The following UBA6 variants were observed in gnomAD, a reference collection of about 807,000 sequenced individuals.
UBA6 encodes the protein ubiquitin-like modifier-activating enzyme 6.
A neutral mutation model predicts 148.3 loss-of-function variants in UBA6; 87 were observed. The observed-to-expected ratio is 0.59, with a 90% CI of 0.49 to 0.70. The LOEUF is 0.70. Ranked by LOEUF, UBA6 falls within the 30% of genes least tolerant of loss-of-function variation. The pLI, the probability that UBA6 is intolerant of heterozygous loss-of-function variation, is 0.00. For synonymous variants in UBA6, 376 were observed against 401.0 expected (o/e 0.94, Z 0.75); for missense variants, 1,186 against 1,241.2 (o/e 0.96, Z 0.67).
intron 2 of UBA6, among the ~76,000 whole-genome samples, chr4:67,689,830 G>A (rs937582518): frequency 9.9e-5 from 15 of 152,054 alleles, no homozygotes; most frequent in African/African-American, 3.6e-4. Context: ...TGAACCCACT[G>A]TCTTCCCTAA....
At chr4:67,681,817 T>C (rs1019745161) in intron 3 of UBA6, among the ~76,000 whole-genome samples, 1 of 152,232 alleles carries the variant, frequency 6.6e-6, no homozygotes, top group Non-Finnish European at 1.5e-5. Context: ...AATTTCAACG[T>C]ATTCTTCCAG....
chr4:67,687,224 G>T (rs553881798), intron 2 of UBA6, among the ~76,000 whole-genome samples: 1 of 151,468 alleles, frequency 6.6e-6, no homozygotes, highest in South Asian at 2.1e-4. Flanking sequence ...TTAGTAGAGA[G>T]GGGGTTTCAC....
rs72848574 is a variant in UBA6 at position 67,644,368 on chromosome 4, G to C, written c.1476+330C>G. Among the ~76,000 whole-genome samples the C allele has an allele frequency of 1.4e-3, 212 of 152,178 alleles. 1 individual carries two copies. The highest frequency in any genetic ancestry group is 4.9e-3 in the African/African-American group (205 of 41,544). ...ATTTAACAATAAACACTATCTAACA[G>C]AAATAACAACATATTTTATAGCTTG... On this transcript the variant is annotated intron_variant, in intron 17 of 32. Coordinates refer to ENST00000322244, the MANE Select transcript of UBA6 (RefSeq NM_018227.6).
chr4:67,635,497 T>C lies in UBA6; in HGVS notation c.1798A>G (p.Thr600Ala), dbSNP rs576533505. The C allele has an allele frequency of 1.9e-6, 3 of 1,612,738 alleles. No homozygotes were observed. In the East Asian group the frequency reaches 6.7e-5, roughly 36 times the overall value. Residue 600 changes from threonine (T) to alanine (A), a missense_variant, in exon 20 of 33, where the codon ACT (threonine) becomes GCT (alanine). Physicochemically the swap from Thr to Ala is moderately conservative, Grantham distance 58. Transcript: ENST00000322244. Reference sequence around the variant, plus strand: ...GTCAAATGCGGTACAATAACTTCAGTGTGTCCCTTAGTGCCCATTGTTCCA... The same window carrying C: ...GTCAAATGCGGTACAATAACTTCAGCGTGTCCCTTAGTGCCCATTGTTCCA... ...DSGTMGTKGH[T>A]EVIVPHLTES...
Position 67,649,241 on chromosome 4 carries a change from A to T in UBA6, c.1105-30T>A, listed in dbSNP as rs779515765. 118 of 1,589,818 alleles carry T rather than the reference A, an allele frequency of 7.4e-5. 1 individual carries two copies. Among genetic ancestry groups the T allele is most frequent in the Non-Finnish European group, 9.2e-5 (108 of 1,168,380 alleles). On this transcript the variant is annotated intron_variant, in intron 13 of 32. Transcript: ENST00000322244. ...AACAAAAGCCATAAAAGACAATAAC[A>T]TTAACAGCATTTACACAGTACACTT...
intron 2 of UBA6, among the ~76,000 whole-genome samples, chr4:67,695,416 T>C (rs1730810418): frequency 6.6e-6 from 1 of 152,360 alleles, no homozygotes; most frequent in East Asian, 1.9e-4. Flanking sequence ...TATTAAAATA[T>C]TGTATTACAA....
At position 67,631,758 on chromosome 4, in the gene UBA6, C is replaced by T; in HGVS notation, c.2208G>A (p.Gln736=). 1.2e-6 allele frequency: 2 copies of T among 1,611,648 alleles called. No homozygotes were observed. Among genetic ancestry groups the T allele is most frequent in the Non-Finnish European group, 1.7e-6 (2 of 1,178,960 alleles). ...TTGGAGAGGGTGGCCTCTTTGGTGA[C>T]TGCCAAAATAAACCTGGCAAAAAGA... The part of the protein sequence containing the change: ...IRLKDGSLFW[Q]SPKRPPSPIK... The change falls in exon 25 of 33, where the codon CAG becomes CAA. Residue 736 remains glutamine (Q), a synonymous_variant. Transcript: ENST00000322244.
Position 67,618,956 on chromosome 4 carries a change from C to A in UBA6, c.*41G>T. ...GCTTCTGAATTAAGTGCACTCTTTC[C>A]AAAATCAAGTGGTCCTGGAGTAACG... On this transcript the variant is annotated 3_prime_UTR_variant, in exon 33 of 33. Coordinates refer to ENST00000322244, the MANE Select transcript of UBA6 (RefSeq NM_018227.6). The A allele has an allele frequency of 1.9e-6, 3 of 1,587,812 alleles. No individual in the cohort carries two copies. Among genetic ancestry groups the A allele is most frequent in the Non-Finnish European group, 2.6e-6 (3 of 1,168,282 alleles).
At chr4:67,641,109 G>C in intron 18 of UBA6, 42 bp downstream of exon 18, 1 of 1,226,380 alleles carries the variant, frequency 8.2e-7, no homozygotes, top group Non-Finnish European at 1.2e-6. Flanking sequence ...ACTCTTTTTT[G>C]TATAATACAT....
intron 2 of UBA6, among the ~76,000 whole-genome samples, chr4:67,686,446 C>A (rs1730561447): frequency 6.6e-6 from 1 of 152,082 alleles, no homozygotes; most frequent in South Asian, 2.1e-4. Context: ...CGATTTCAAG[C>A]CAGTCACTCG....
At chr4:67,636,325 A>G (rs1560481666) in intron 19 of UBA6, among the ~76,000 whole-genome samples, 1 of 152,226 alleles carries the variant, frequency 6.6e-6, no homozygotes, top group Non-Finnish European at 1.5e-5. Flanking sequence ...TTAATTTAGA[A>G]TTTGGGGGAA....
intron 10 of UBA6, among the ~76,000 whole-genome samples, chr4:67,664,424 T>C (rs2109934462): frequency 6.6e-6 from 1 of 152,050 alleles, no homozygotes; most frequent in East Asian, 1.9e-4. Flanking sequence ...TCTGACTAGA[T>C]ATAGTATTTT....
chr4:67,678,589 C>T, intron 4 of UBA6, 56 bp from the exon 5 acceptor site: 3 of 897,236 alleles, frequency 3.3e-6, no homozygotes, highest in Non-Finnish European at 5.3e-6. Context: ...TATGCACTCT[C>T]TCCAGTATTA....
intron 23 of UBA6, among the ~76,000 whole-genome samples, chr4:67,632,871 C>A (rs1175758487): frequency 6.6e-6 from 1 of 151,646 alleles, no homozygotes; most frequent in Non-Finnish European, 1.5e-5. Flanking sequence ...AACTTAAGAT[C>A]CTAAAGAGAG....
chr4:67,623,016 C>G (rs575152083), intron 31 of UBA6, 91 bp from the exon 32 acceptor site: 3 of 1,357,186 alleles, frequency 2.2e-6, no homozygotes, highest in South Asian at 2.6e-5. Flanking sequence ...TGTTTTATGA[C>G]CAGTAAAAAA....
intron 8 of UBA6, among the ~76,000 whole-genome samples, chr4:67,669,062 T>C (rs1471871327): frequency 1.3e-5 from 2 of 152,062 alleles, no homozygotes; most frequent in Non-Finnish European, 2.9e-5. Context: ...CAAAGAACAG[T>C]AAAGAAGGAG....
At chr4:67,686,776 A>G (rs1216845711) in intron 2 of UBA6, among the ~76,000 whole-genome samples, 2 of 151,588 alleles carry the variant, frequency 1.3e-5, no homozygotes, top group Non-Finnish European at 2.9e-5. Flanking sequence ...ATACGGTGAG[A>G]CACCCACCTC....
Position 67,676,417 on chromosome 4 carries a change from G to A in UBA6, c.465+1194C>T, listed in dbSNP as rs150823196. On this transcript the variant is annotated intron_variant, in intron 6 of 32. Transcript: ENST00000322244. The stretch of plus-strand genomic sequence containing the variant: ...AATCTCTAAACCTATGTGACAGCAC[G>A]CCTAATGGTTATGAATTCCCCAGGA... Among the ~76,000 whole-genome samples the A allele has an allele frequency of 3.2e-4, 48 of 152,252 alleles. No homozygotes were observed. The East Asian group carries it at 8.7e-3, about 28-fold the overall frequency.
intron 1 of UBA6, among the ~76,000 whole-genome samples, chr4:67,698,519 C>T (rs1202026210): frequency 6.6e-6 from 1 of 152,154 alleles, no homozygotes; most frequent in Non-Finnish European, 1.5e-5. Context: ...AAAAAAGAGG[C>T]TGAGGGAGGT....
Sources: allele counts gnomAD v4.1 joint callset (sites outside exome capture counted in the v4.1 genomes callset), GRCh38; gene constraint gnomAD v4.1.1; transcripts MANE v1.5; gene names NCBI Gene and HGNC (gene_info 2026-07-23, HGNC 2026-07-21).